Variants in MYO5A observed in about 807,000 individuals in gnomAD.
The protein encoded by MYO5A is myosin VA.
A neutral mutation model predicts 249.7 loss-of-function variants in MYO5A; 98 were observed. The observed-to-expected ratio is 0.39, with a 90% CI of 0.33 to 0.46. The LOEUF (loss-of-function observed/expected upper bound fraction) is 0.46. Among genes scored for constraint, MYO5A ranks in the 20% least tolerant of loss-of-function variants. The probability of loss-of-function intolerance (pLI) is 0.98; values close to 1 mark genes in which losing one functional copy is unlikely to be tolerated. For missense variants in MYO5A, 1,696 were observed against 2,308.8 expected (o/e 0.73, Z 5.44); for synonymous variants, 778 against 810.6 (o/e 0.96, Z 0.68).
Position 52,313,594 on chromosome 15 carries a change from A to C in MYO5A, c.*102T>G. The C allele has an allele frequency of 1.3e-5, 18 of 1,390,232 alleles. No homozygotes were observed. The highest frequency in any genetic ancestry group is 1.7e-5 in the Non-Finnish European group (17 of 988,776). 86.1% of individuals were successfully genotyped at this position (1,390,232 alleles called of 1,614,324 possible). ...ATGACTTCTCATTTGGGAGATAATCAGTACTTTCTCTTTAAAAATGTATTT... is the reference window on the plus strand; with the variant it reads ...ATGACTTCTCATTTGGGAGATAATCCGTACTTTCTCTTTAAAAATGTATTT... On this transcript the variant is annotated 3_prime_UTR_variant, in exon 42 of 42. Coordinates refer to ENST00000399233, the MANE Select transcript of MYO5A (RefSeq NM_001382347.1).
At chr15:52,400,900 C>T (rs2042722905) in intron 9 of MYO5A, among the ~76,000 whole-genome samples, 1 of 152,050 alleles carries the variant, frequency 6.6e-6, no homozygotes, top group South Asian at 2.1e-4. Context: ...TATTATTATT[C>T]TAATTAATCA....
intron 1 of MYO5A, among the ~76,000 whole-genome samples, chr15:52,440,056 TAATGAGGCCTGCCTGGCAGC>T (rs2075753168): frequency 6.6e-6 from 1 of 152,234 alleles, no homozygotes; most frequent in Non-Finnish European, 1.5e-5. Context: ...CAATACAATT[TAATGAGGCCTGCCTGGCAGC>T]AATGAGGTAA....
chr15:52,366,747 A>G (rs1260441771), intron 23 of MYO5A, among the ~76,000 whole-genome samples: 5 of 152,058 alleles, frequency 3.3e-5, no homozygotes, highest in Admixed American at 1.3e-4. Flanking sequence ...TAAATCACAC[A>G]TGCAGAACAA....
At chr15:52,509,711 T>TTGAAAAC (rs2077351281) in intron 1 of MYO5A, among the ~76,000 whole-genome samples, 1 of 152,194 alleles carries the variant, frequency 6.6e-6, no homozygotes. Flanking sequence ...CACTGCTCTC[T>TTGAAAAC]TGAAAACTGT....
At chr15:52,339,509 T>A (rs150138702) in intron 32 of MYO5A, among the ~76,000 whole-genome samples, 342 of 150,504 alleles carry the variant, frequency 2.3e-3, no homozygotes, top group African/African-American at 8.1e-3. Context: ...TTTTAGAAAA[T>A]TTTTTTGGCA....
At chr15:52,497,933 G>A (rs1273117676) in intron 1 of MYO5A, among the ~76,000 whole-genome samples, 1 of 151,924 alleles carries the variant, frequency 6.6e-6, no homozygotes, top group African/African-American at 2.4e-5. Flanking sequence ...ATCAAAACCT[G>A]AGGAATATAG....
At chr15:52,448,530 G>A (rs1050198157) in intron 1 of MYO5A, among the ~76,000 whole-genome samples, 2 of 152,126 alleles carry the variant, frequency 1.3e-5, no homozygotes, top group African/African-American at 2.4e-5. Flanking sequence ...TTGGACTATT[G>A]GGAATTGTAT....
Position 52,353,945 on chromosome 15 carries a change from G to A in MYO5A, c.3493C>T (p.Leu1165=). ...FLKLQKRVTE[L]EQEKQVMQDE... ...TGCATCACCTGCTTCTCCTGCTCCA[G>A]CTCTGTGACCCGCTTCTGGAGCTTA... The change falls in exon 26 of 42, where the codon CTG becomes TTG. Residue 1165 remains leucine (L), a synonymous_variant. Coordinates refer to ENST00000399233, the MANE Select transcript of MYO5A (RefSeq NM_001382347.1). 1 of 1,614,226 alleles carries A rather than the reference G, an allele frequency of 6.2e-7. No homozygotes were observed. The highest frequency in any genetic ancestry group is 8.5e-7 in the Non-Finnish European group (1 of 1,180,040).
chr15:52,407,439 A>G, intron 7 of MYO5A, 40 bp from the exon 8 acceptor site: 1 of 1,476,856 alleles, frequency 6.8e-7, no homozygotes, highest in East Asian at 2.3e-5. Context: ...GTTTATGAAA[A>G]AGCCTTGCCT....
intron 25 of MYO5A, among the ~76,000 whole-genome samples, chr15:52,356,991 T>A (rs1322132741): frequency 6.6e-6 from 1 of 152,018 alleles, no homozygotes; most frequent in Non-Finnish European, 1.5e-5. Context: ...CTGAACTTTT[T>A]CTTTCTGCCT....
rs141865922 is a variant in MYO5A, at chr15:52,491,391, T to G, written c.27+37389A>C. Among the ~76,000 whole-genome samples the G allele has an allele frequency of 4.3e-4, 65 of 152,356 alleles. 1 individual carries two copies. The East Asian group carries it at 6.7e-3, about 16-fold the overall frequency. On this transcript the variant is annotated intron_variant, in intron 1 of 41. Transcript: ENST00000399233. The stretch of plus-strand genomic sequence containing the variant: ...TTTAGTAGGGTTCTGATGTTTTCTA[T>G]TAATATTTTGTTTTTATAGAGTCTT...
At chr15:52,365,420 C>T (rs556458105) in intron 23 of MYO5A, among the ~76,000 whole-genome samples, 1 of 152,110 alleles carries the variant, frequency 6.6e-6, no homozygotes, top group Non-Finnish European at 1.5e-5. Context: ...GGAGATTAGC[C>T]CTTGACTGCA....
chr15:52,443,603 C>A (rs1326030129), intron 1 of MYO5A, among the ~76,000 whole-genome samples: 1 of 149,914 alleles, frequency 6.7e-6, no homozygotes, highest in Non-Finnish European at 1.5e-5. Flanking sequence ...CCTAGCTACT[C>A]GGGAGGCTGA....
chr15:52,501,541 G>T (rs1411346602), intron 1 of MYO5A, among the ~76,000 whole-genome samples: 1 of 152,118 alleles, frequency 6.6e-6, no homozygotes, highest in Non-Finnish European at 1.5e-5. Flanking sequence ...CAAGGCTGCA[G>T]TGAGGTATGA....
At chr15:52,359,382 G>A (rs2040408731) in intron 25 of MYO5A, among the ~76,000 whole-genome samples, 1 of 152,202 alleles carries the variant, frequency 6.6e-6, no homozygotes, top group African/African-American at 2.4e-5. Flanking sequence ...TGGAGTTACA[G>A]TAATACATCA....
intron 1 of MYO5A, chr15:52,505,664 A>G: frequency 8.1e-7 from 1 of 1,234,074 alleles, no homozygotes; most frequent in Non-Finnish European, 1.2e-6. Context: ...GCGAAATTAG[A>G]GGGCGTCAGA....
At chr15:52,337,397 T>G (rs568450109) in intron 33 of MYO5A, among the ~76,000 whole-genome samples, 1 of 152,206 alleles carries the variant, frequency 6.6e-6, no homozygotes, top group East Asian at 1.9e-4. Context: ...GAGTCAGCAA[T>G]GTGTGTGGTC....
At chr15:52,421,240 G>A (rs2043775169) in intron 4 of MYO5A, among the ~76,000 whole-genome samples, 1 of 152,116 alleles carries the variant, frequency 6.6e-6, no homozygotes, top group Admixed American at 6.5e-5. Flanking sequence ...GTGAACCGCT[G>A]GACCGTGGCA....
At chr15:52,320,115 T>A (rs924322230) in intron 38 of MYO5A, among the ~76,000 whole-genome samples, 6 of 152,178 alleles carry the variant, frequency 3.9e-5, no homozygotes, top group African/African-American at 1.4e-4. Context: ...ATTCTGGGTT[T>A]CCCACAACAG....
Sources: allele counts gnomAD v4.1 joint callset (sites outside exome capture counted in the v4.1 genomes callset), GRCh38; gene constraint gnomAD v4.1.1; transcripts MANE v1.5; gene names NCBI Gene and HGNC (gene_info 2026-07-23, HGNC 2026-07-21).